SNX29: variants seen among roughly 807,000 people sequenced by gnomAD.
SNX29 encodes sorting nexin 29, also known as sorting nexin-29.
SNX29 carries 78 observed loss-of-function variants against 102.1 expected under a neutral mutation model. That is an observed-to-expected ratio of 0.76 (90% CI 0.64 to 0.92). SNX29 has a LOEUF of 0.92. SNX29 is among the 40% of genes least tolerant of loss of function. SNX29 has a pLI of 0.00. For missense variants in SNX29, 1,280 were observed against 1,061.7 expected (o/e 1.21, Z -2.86); for synonymous variants, 580 against 414.5 (o/e 1.40, Z -4.85).
chr16:12,209,293 G>A (rs1330632893), intron 14 of SNX29, among the ~76,000 whole-genome samples: 4 of 152,160 alleles, frequency 2.6e-5, no homozygotes, highest in South Asian at 2.1e-4. Context: ...GAGTTCAAGC[G>A]ATTCTCTTAC....
intron 10 of SNX29, among the ~76,000 whole-genome samples, chr16:12,071,844 C>T (rs1037544761): frequency 1.7e-4 from 26 of 152,172 alleles, no homozygotes; most frequent in Admixed American, 3.3e-4. Context: ...TCTTTTATTT[C>T]ATTGAGCAGT....
chr16:12,236,353 T>C (rs998693422), intron 14 of SNX29, among the ~76,000 whole-genome samples: 1 of 152,212 alleles, frequency 6.6e-6, no homozygotes, highest in Non-Finnish European at 1.5e-5. Flanking sequence ...GTCTTGACCC[T>C]TCTGTTGAGG....
chr16:12,471,917 C>G (rs1422781162), intron 18 of SNX29, among the ~76,000 whole-genome samples: 1 of 152,222 alleles, frequency 6.6e-6, no homozygotes, highest in East Asian at 1.9e-4. Context: ...GTTTTCTCCT[C>G]CTCGCTTTAT....
chr16:11,983,209 G>GT (rs1394386750), intron 1 of SNX29, among the ~76,000 whole-genome samples: 2 of 151,414 alleles, frequency 1.3e-5, no homozygotes, highest in Non-Finnish European at 2.9e-5. Flanking sequence ...AGGATTACAG[G>GT]TGTGAGCCAC....
chr16:12,432,491 T>G (rs1295271106), intron 18 of SNX29, among the ~76,000 whole-genome samples: 2 of 152,152 alleles, frequency 1.3e-5, no homozygotes, highest in African/African-American at 4.8e-5. Flanking sequence ...AAAGGTGGCC[T>G]GGGCTGGTGG....
chr16:12,244,014 C>T (rs923898983), intron 14 of SNX29, among the ~76,000 whole-genome samples: 1 of 152,172 alleles, frequency 6.6e-6, no homozygotes, highest in Admixed American at 6.5e-5. Flanking sequence ...AACTGTTCCA[C>T]CTCAGATCAT....
chr16:12,492,035 G>A (rs1327529363), intron 19 of SNX29, among the ~76,000 whole-genome samples: 1 of 152,158 alleles, frequency 6.6e-6, no homozygotes, highest in Non-Finnish European at 1.5e-5. Flanking sequence ...AATCCTTTGG[G>A]TATATACCCA....
At chr16:11,981,286 G>A (rs1567488572) in intron 1 of SNX29, among the ~76,000 whole-genome samples, 1 of 151,906 alleles carries the variant, frequency 6.6e-6, no homozygotes, top group Non-Finnish European at 1.5e-5. Context: ...TGTATTATTA[G>A]TGTTGATGGG....
At chr16:12,539,757 C>T (rs544599921) in intron 20 of SNX29, among the ~76,000 whole-genome samples, 4 of 152,298 alleles carry the variant, frequency 2.6e-5, no homozygotes, top group Non-Finnish European at 5.9e-5. Flanking sequence ...TCATCATGGT[C>T]TTAATTTGCA....
Position 12,435,973 on chromosome 16 carries a change from C to T in SNX29, c.2037+32444C>T, listed in dbSNP as rs375710390. On this transcript the variant is annotated intron_variant, in intron 18 of 20. Transcript: ENST00000566228. ...TGCCGCGCGTTACTTCCCGTAGGCC[C>T]AGGGTCTGGGCCTTGGGGTTGGATT... is the stretch of plus-strand genomic sequence containing the variant. 3.9e-5 allele frequency among the ~76,000 whole-genome samples: 6 copies of T among 152,306 alleles called. No individual in the cohort carries two copies. In the East Asian group the frequency reaches 1.2e-3, roughly 30 times the overall value.
At chr16:12,367,313 T>A (rs1478080686) in intron 16 of SNX29, 1 of 152,200 alleles carries the variant, frequency 6.6e-6, no homozygotes, top group African/African-American at 2.4e-5. Context: ...TACATCTGAG[T>A]GTACACCTGG....
intron 18 of SNX29, among the ~76,000 whole-genome samples, chr16:12,462,048 T>TACACACACACACACAC (rs1567588303): frequency 2.6e-4 from 30 of 116,160 alleles, no homozygotes; most frequent in South Asian, 2.6e-3. Flanking sequence ...CACACACTCT[T>TACACACACACACACAC]ATATATGAGA....
intron 15 of SNX29, among the ~76,000 whole-genome samples, chr16:12,328,510 G>GGT (rs1373852768): frequency 1.3e-5 from 2 of 152,128 alleles, no homozygotes; most frequent in East Asian, 3.9e-4. Flanking sequence ...TCTCAGCCAG[G>GGT]GTGAGGCTGT....
intron 20 of SNX29, among the ~76,000 whole-genome samples, chr16:12,559,045 T>C (rs1402008367): frequency 6.6e-6 from 1 of 152,088 alleles, no homozygotes; most frequent in African/African-American, 2.4e-5. Context: ...AATTCACACA[T>C]CGTAACTGCA....
chr16:12,407,187 C>G (rs2084200188), intron 18 of SNX29, among the ~76,000 whole-genome samples: 1 of 152,188 alleles, frequency 6.6e-6, no homozygotes, highest in South Asian at 2.1e-4. Context: ...TTTTTCAGCC[C>G]TTCATGGCTT....
chr16:12,398,184 G>T (rs755690025), intron 16 of SNX29, among the ~76,000 whole-genome samples: 2 of 152,126 alleles, frequency 1.3e-5, no homozygotes, highest in Non-Finnish European at 2.9e-5. Flanking sequence ...TTACATGCCT[G>T]TGATTATCTC....
chr16:12,236,893 G>A (rs543139989), intron 14 of SNX29, among the ~76,000 whole-genome samples: 2 of 152,348 alleles, frequency 1.3e-5, no homozygotes, highest in South Asian at 2.1e-4. Flanking sequence ...TGCTTGACAC[G>A]TGGTGAAGGT....
intron 4 of SNX29, among the ~76,000 whole-genome samples, chr16:12,036,651 T>G (rs116730470): frequency 6.7e-4 from 74 of 110,432 alleles, no homozygotes; most frequent in African/African-American, 2.0e-3. Flanking sequence ...TGTTTTTGTT[T>G]TTGTTGTTGT....
intron 18 of SNX29, among the ~76,000 whole-genome samples, chr16:12,455,339 CTT>C (rs952517081): frequency 2.0e-5 from 3 of 151,584 alleles, no homozygotes; most frequent in African/African-American, 7.3e-5. Flanking sequence ...CCATCAAGGA[CTT>C]TTTTTTTGAG....
Sources: allele counts gnomAD v4.1 joint callset (sites outside exome capture counted in the v4.1 genomes callset), GRCh38; gene constraint gnomAD v4.1.1; transcripts MANE v1.5; gene names NCBI Gene and HGNC (gene_info 2026-07-23, HGNC 2026-07-21).